Variants in LCA5L observed in about 807,000 individuals in gnomAD.
LCA5L encodes the protein lebercilin LCA5 like.
Under a neutral mutation model 45.4 loss-of-function variants are expected in LCA5L, and 35 were observed. That is an observed-to-expected ratio of 0.77 (90% confidence interval 0.59 to 1.02). The LOEUF is 1.02. LCA5L is among the 50% of genes least tolerant of loss of function. LCA5L has a pLI of 0.00. For missense variants in LCA5L, 668 were observed against 761.6 expected (o/e 0.88, Z 1.45); for synonymous variants, 233 against 264.7 (o/e 0.88, Z 1.16).
Position 39,410,335 on chromosome 21 carries a change from TTC to T in LCA5L, c.1091_1092del (p.Arg364LysfsTer24), listed in dbSNP as rs778124558. 1.2e-6 allele frequency: 2 copies of T among 1,609,474 alleles called. No individual in the cohort carries two copies. On this transcript the variant is annotated frameshift_variant, in exon 9 of 11. Transcript: ENST00000288350. LOFTEE classifies it high-confidence loss of function. The stretch of plus-strand genomic sequence containing the variant: ...CTCATACTTGTGAATGGCAAAATTT[TTC>T]TGTCTGCTTGGACTGATTTTGTTGA... ...VSSTKSVQAD[R>X]KILPFTSMRH...
chr21:39,421,705 C>A (rs2073798839), intron 6 of LCA5L: 1 of 152,096 alleles, frequency 6.6e-6, no homozygotes, highest in Admixed American at 6.6e-5. Context: ...CTTTCCCAAA[C>A]AGGAAAAGTG....
At chr21:39,429,679 G>T (rs918669188) in intron 3 of LCA5L, among the ~76,000 whole-genome samples, 1 of 152,108 alleles carries the variant, frequency 6.6e-6, no homozygotes, top group East Asian at 1.9e-4. Flanking sequence ...CTGTGTAGCG[G>T]TGGGCAGAAG....
rs1186374025 is a variant in LCA5L, at chr21:39,423,538, T to C, written c.323-48A>G. 3 of 1,457,120 alleles carry C rather than the reference T, an allele frequency of 2.1e-6. No individual in the cohort carries two copies. The African/African-American group carries it at 4.2e-5, about 21-fold the overall frequency. The allele number at this position is 1,457,120 out of a possible 1,614,324, so 90.3% of individuals were successfully genotyped here. A position where few individuals can be genotyped will look rare whatever the true frequency, so the allele number is the denominator to read the frequency against. ...TTATTACTAGTAAAATATACAGATA[T>C]GCAAATATGCACATATGCATAATCT... On this transcript the variant is annotated intron_variant, in intron 5 of 10. Coordinates refer to ENST00000288350, the MANE Select transcript of LCA5L (RefSeq NM_152505.4).
chr21:39,433,882 A>G (rs2076024274), intron 3 of LCA5L, among the ~76,000 whole-genome samples: 1 of 145,614 alleles, frequency 6.9e-6, no homozygotes, highest in African/African-American at 2.5e-5. Flanking sequence ...CTCCCTCCTC[A>G]GCCTCCCAAG....
intron 1 of LCA5L, 132 bp from the exon 2 acceptor site, chr21:39,444,333 C>T (rs77676905): frequency 2.8e-4 from 42 of 152,274 alleles, no homozygotes; most frequent in African/African-American, 9.6e-4. Flanking sequence ...GTTCCAGGGG[C>T]ACTGTCATAT....
At chr21:39,417,766 A>T (rs2041486963) in intron 7 of LCA5L, among the ~76,000 whole-genome samples, 1 of 151,694 alleles carries the variant, frequency 6.6e-6, no homozygotes. Flanking sequence ...TTAATTTTTT[A>T]ATTTTTAATT....
rs112939793 is a variant in LCA5L, at chr21:39,420,282, G to C, written c.975+424C>G. On this transcript the variant is annotated intron_variant, in intron 7 of 10. Transcript: ENST00000288350. ...CACACCTGTAATCCCAGCACTATGGGAGACCAAGGCAGGTGGATCACTTGA... is the reference window on the plus strand; with the variant it reads ...CACACCTGTAATCCCAGCACTATGGCAGACCAAGGCAGGTGGATCACTTGA... Among the ~76,000 whole-genome samples, 673 of 152,222 alleles carry C rather than the reference G, an allele frequency of 4.4e-3. 6 individuals are homozygous for C. The highest frequency in any genetic ancestry group is 0.015 in the African/African-American group (627 of 41,544).
At chr21:39,444,409 C>T (rs2077204969) in intron 1 of LCA5L, among the ~76,000 whole-genome samples, 1 of 152,130 alleles carries the variant, frequency 6.6e-6, no homozygotes, top group Non-Finnish European at 1.5e-5. Flanking sequence ...CTTATATGGC[C>T]TTGCTGACCC....
At chr21:39,420,519 T>C (rs1379623888) in intron 7 of LCA5L, among the ~76,000 whole-genome samples, 187 bp downstream of exon 7, 1 of 5,382 alleles carries the variant, frequency 1.9e-4, no homozygotes, top group African/African-American at 2.2e-3. Context: ...CAAGATTCTA[T>C]CTCAAAAAAA....
At position 39,420,831 on chromosome 21, in the gene LCA5L, G is replaced by GTT. The variant is rs1569093755; in HGVS notation, c.848_849dup (p.Gln284AsnfsTer3). The GTT allele has an allele frequency of 6.2e-7, 1 of 1,612,646 alleles. No homozygotes were observed. The highest frequency in any genetic ancestry group is 1.7e-5 in the Admixed American group (1 of 59,920). On this transcript the variant is annotated frameshift_variant, in exon 7 of 11. Coordinates refer to ENST00000288350, the MANE Select transcript of LCA5L (RefSeq NM_152505.4). LOFTEE classifies it high-confidence loss of function. ...AAGGCTCTGCAGTTCAACCTCAGTT[G>GTT]TTTTTCCAAGCTCTGAAAACAGTAT...
At chr21:39,411,894 C>G (rs765199878) in intron 7 of LCA5L, 92 bp from the exon 8 acceptor site, 18 of 670,392 alleles carry the variant, frequency 2.7e-5, no homozygotes, top group Non-Finnish European at 4.4e-5. Context: ...GCTCAGTATC[C>G]TATGAATAAA....
chr21:39,409,142 A>C lies in LCA5L; in HGVS notation c.1282+837T>G, dbSNP rs772441720. Among the ~76,000 whole-genome samples the C allele has an allele frequency of 6.6e-6, 1 of 152,148 alleles. No individual in the cohort carries two copies. Among genetic ancestry groups the C allele is most frequent in the Non-Finnish European group, 1.5e-5 (1 of 68,018 alleles). On this transcript the variant is annotated intron_variant, in intron 10 of 10. Coordinates refer to ENST00000288350, the MANE Select transcript of LCA5L (RefSeq NM_152505.4). This position sits in a 1 kb window ranked among gnomAD's most constrained non-coding sequence, Gnocchi z 4.2. ...ACGGAATTAGTGTCCTTATAAAAAG[A>C]AACACTGGAGCACTGGTGCTCTCTC...
intron 8 of LCA5L, chr21:39,411,006 G>A (rs758668761): frequency 2.2e-6 from 1 of 457,080 alleles, no homozygotes; most frequent in Non-Finnish European, 4.5e-6. Flanking sequence ...AGCAGTGCAC[G>A]TGCTCTTGAA....
In LCA5L at chr21:39,423,379, G is replaced by C; in HGVS notation, c.434C>G (p.Ser145Ter). 6.2e-7 allele frequency: 1 copy of C among 1,611,892 alleles called. No homozygotes were observed. The highest frequency in any genetic ancestry group is 1.1e-5 in the South Asian group (1 of 90,946). Residue 145 changes from serine to a stop codon, truncating the protein, a stop_gained, in exon 6 of 11, where the codon TCA (serine) becomes TGA (stop). Coordinates refer to ENST00000288350, the MANE Select transcript of LCA5L (RefSeq NM_152505.4). LOFTEE classifies it high-confidence loss of function. ...TCCTTTAATTTTATGAAGCCTTGCT[G>C]AGAGTATTCGATGAGCCATAGCATC... ...RRDAMAHRIL[S>*]ARLHKIKGLK...
chr21:39,407,887 C>T (rs1282570505), intron 10 of LCA5L: 3 of 152,246 alleles, frequency 2.0e-5, no homozygotes, highest in African/African-American at 7.2e-5. Flanking sequence ...TCAGTTTCCA[C>T]CAAACTGCAA....
Position 39,405,930 on chromosome 21 carries a change from A to G in LCA5L, c.1965T>C (p.Ser655=). 1 of 1,611,294 alleles carries G rather than the reference A, an allele frequency of 6.2e-7. No homozygotes were observed. Among genetic ancestry groups the G allele is most frequent in the Non-Finnish European group, 8.5e-7 (1 of 1,178,026 alleles). ...CTTCTGTAGGTGACGATGGCTTAAT[A>G]GAATTTACCACAGTTACTTTAGAGT... ...FGDSKVTVVN[S]IKPSSPTEGK... The change falls in exon 11 of 11, where the codon TCT becomes TCC. Residue 655 remains serine, a synonymous_variant. Transcript: ENST00000288350.
At chr21:39,445,207 G>A (rs1026586399) in intron 1 of LCA5L, among the ~76,000 whole-genome samples, 5 of 109,480 alleles carry the variant, frequency 4.6e-5, no homozygotes, top group Admixed American at 2.2e-4. Flanking sequence ...GTGAGTGGGG[G>A]ACAAACACAG....
chr21:39,424,094 C>T (rs2074220297), intron 5 of LCA5L, among the ~76,000 whole-genome samples: 1 of 152,050 alleles, frequency 6.6e-6, no homozygotes, highest in African/African-American at 2.4e-5. Flanking sequence ...CTCACTGCAA[C>T]CTCTGCATCC....
Position 39,411,713 on chromosome 21 carries a change from C to G in LCA5L, c.1060+5G>C. Reference sequence around the variant, plus strand: ...AGATTTTGAGCAAAAGTAATTAAAACATACCTTTTGGATAGTCCTCTGTGT... The same window carrying G: ...AGATTTTGAGCAAAAGTAATTAAAAGATACCTTTTGGATAGTCCTCTGTGT... On this transcript the variant is annotated splice_donor_5th_base_variant and intron_variant, in intron 8 of 10. Coordinates refer to ENST00000288350, the MANE Select transcript of LCA5L (RefSeq NM_152505.4). 1.4e-6 allele frequency: 2 copies of G among 1,390,018 alleles called. No individual in the cohort carries two copies. The allele number at this position is 1,390,018 out of a possible 1,614,324, so 86.1% of individuals were successfully genotyped here. A position where few individuals can be genotyped will look rare whatever the true frequency, so the allele number is the denominator to read the frequency against.
Sources: gnomAD v4.1 joint callset for allele counts (sites outside exome capture counted in the v4.1 genomes callset) on GRCh38, gnomAD v4.1.1 for gene constraint, Gnocchi (gnomAD v3.1) non-coding constraint, MANE v1.5 for transcripts, NCBI Gene and HGNC (gene_info 2026-07-23, HGNC 2026-07-21) for gene names.